NR3C1: variants seen among roughly 807,000 people sequenced by gnomAD.
NR3C1 encodes nuclear receptor subfamily 3 group C member 1.
NR3C1 carries 14 observed loss-of-function variants against 74.0 expected under a neutral mutation model. That is an observed-to-expected ratio of 0.19 (90% CI 0.12 to 0.30). The LOEUF (loss-of-function observed/expected upper bound fraction) is 0.30. NR3C1 is among the 10% of genes least tolerant of loss of function. The pLI is 1.00. For synonymous variants in NR3C1, 308 were observed against 332.5 expected, an observed-to-expected ratio of 0.93 and a Z score of 0.80; for missense variants, 695 against 909.8, an observed-to-expected ratio of 0.76 and a Z score of 3.04.
chr5:143,394,527 G>A (rs1838847159), intron 2 of NR3C1, among the ~76,000 whole-genome samples: 1 of 151,902 alleles, frequency 6.6e-6, no homozygotes, highest in Non-Finnish European at 1.5e-5. Context: ...TCAACATTAA[G>A]ACATTAGGTC....
In NR3C1 at chr5:143,280,570, A is replaced by C. The variant is rs1812936905; in HGVS notation, c.*1319T>G. ...TTAAAATAATTTTCAACAGTGAAGAAATTCACAGGACTTGTGTTAAACTCT... is the reference window on the plus strand; with the variant it reads ...TTAAAATAATTTTCAACAGTGAAGACATTCACAGGACTTGTGTTAAACTCT... On this transcript the variant is annotated 3_prime_UTR_variant, in exon 9 of 9. Coordinates refer to ENST00000394464, the MANE Select transcript of NR3C1 (RefSeq NM_000176.3). The C allele has an allele frequency of 6.6e-6, 1 of 152,634 alleles. No homozygotes were observed. Among genetic ancestry groups the C allele is most frequent in the South Asian group, 2.1e-4 (1 of 4,826 alleles). The allele number at this position is 152,634 out of a possible 1,614,324, so 9.5% of individuals were successfully genotyped here. A position where few individuals can be genotyped will look rare whatever the true frequency, so the allele number is the denominator to read the frequency against.
At chr5:143,364,225 C>G (rs1832789792) in intron 2 of NR3C1, among the ~76,000 whole-genome samples, 1 of 152,178 alleles carries the variant, frequency 6.6e-6, no homozygotes, top group Non-Finnish European at 1.5e-5. Flanking sequence ...GGTCAGAAGA[C>G]AGTACGATGA....
intron 1 of NR3C1, among the ~76,000 whole-genome samples, chr5:143,414,170 A>G (rs1170982953): frequency 6.6e-6 from 1 of 152,220 alleles, no homozygotes; most frequent in African/African-American, 2.4e-5. Flanking sequence ...CAGAAATAGT[A>G]TCTCCACTTA....
chr5:143,403,874 G>C (rs1453745217), upstream of NR3C1: 4 of 976,550 alleles, frequency 4.1e-6, no homozygotes, highest in Non-Finnish European at 4.9e-6. Flanking sequence ...CCCCGACGGC[G>C]CCTGCACGCC....
At chr5:143,428,362 G>C (rs370657134) in intron 1 of NR3C1, among the ~76,000 whole-genome samples, 1 of 152,212 alleles carries the variant, frequency 6.6e-6, no homozygotes, top group East Asian at 1.9e-4. Flanking sequence ...ATACTGATCT[G>C]CTGAGGACTG....
intron 7 of NR3C1, among the ~76,000 whole-genome samples, chr5:143,289,254 A>G (rs765838745): frequency 2.0e-5 from 3 of 152,182 alleles, no homozygotes; most frequent in Non-Finnish European, 4.4e-5. Flanking sequence ...TCATTGGGTA[A>G]GAAATACAGA....
intron 2 of NR3C1, among the ~76,000 whole-genome samples, chr5:143,371,730 T>C (rs1436397961): frequency 6.6e-6 from 1 of 152,230 alleles, no homozygotes. Flanking sequence ...TCTTTCAGAG[T>C]TATTGTTAAA....
At chr5:143,401,710 C>A (rs1840317106) in intron 1 of NR3C1, among the ~76,000 whole-genome samples, 1 of 152,184 alleles carries the variant, frequency 6.6e-6, no homozygotes, top group Non-Finnish European at 1.5e-5. Context: ...TTGAGATCCT[C>A]AATATGAAAT....
chr5:143,369,016 TTAG>T, intron 2 of NR3C1, among the ~76,000 whole-genome samples: 1 of 152,182 alleles, frequency 6.6e-6, no homozygotes, highest in South Asian at 2.1e-4. Context: ...TGATAACCCA[TTAG>T]TACATTAACT....
Position 143,281,871 on chromosome 5 carries a change from C to A in NR3C1, c.*18G>T, listed in dbSNP as rs67068607. The A allele has an allele frequency of 1.2e-6, 2 of 1,610,814 alleles. No homozygotes were observed. The highest frequency in any genetic ancestry group is 1.7e-6 in the Non-Finnish European group (2 of 1,177,468). Reference sequence around the variant, plus strand: ...ATTAATTCGACTTTCTTTAAGGCAACCATTCTTATTAAGGCAGTCACTTTT... The same window carrying A: ...ATTAATTCGACTTTCTTTAAGGCAAACATTCTTATTAAGGCAGTCACTTTT... On this transcript the variant is annotated 3_prime_UTR_variant, in exon 9 of 9. Transcript: ENST00000394464.
chr5:143,423,008 G>A (rs1226957110), intron 1 of NR3C1, among the ~76,000 whole-genome samples: 4 of 151,978 alleles, frequency 2.6e-5, no homozygotes, highest in African/African-American at 7.3e-5. Context: ...GCAGGCCTTC[G>A]ATTTAGGTTT....
chr5:143,295,628 C>T (rs1162004725), intron 6 of NR3C1, 38 bp from the exon 7 acceptor site: 2 of 1,551,496 alleles, frequency 1.3e-6, no homozygotes, highest in Admixed American at 1.7e-5. Flanking sequence ...GTTAGAAATA[C>T]TGCTACTTCC....
At chr5:143,365,388 T>A (rs2151834818) in intron 2 of NR3C1, among the ~76,000 whole-genome samples, 1 of 152,276 alleles carries the variant, frequency 6.6e-6, no homozygotes, top group East Asian at 1.9e-4. Context: ...GTGGCTATAC[T>A]AATATAGACA....
Position 143,295,686 on chromosome 5 carries a change from A to G in NR3C1, c.1893-96T>C, listed in dbSNP as rs1817019472. 4.2e-6 allele frequency: 4 copies of G among 950,770 alleles called. No individual in the cohort carries two copies. The Admixed American group carries it at 5.2e-5, about 12-fold the overall frequency. 58.9% of individuals were successfully genotyped at this position (950,770 alleles called of 1,614,324 possible). ...TTGTTTTGCAAAACTATGAACTCAT[A>G]AAGAAAAACAACTACTGCAATAATA... On this transcript the variant is annotated intron_variant, in intron 6 of 8. Coordinates refer to ENST00000394464, the MANE Select transcript of NR3C1 (RefSeq NM_000176.3).
At chr5:143,422,883 C>T (rs747888033) in intron 1 of NR3C1, among the ~76,000 whole-genome samples, 7 of 152,002 alleles carry the variant, frequency 4.6e-5, no homozygotes, top group Non-Finnish European at 7.4e-5. Flanking sequence ...TGACTTTTGT[C>T]TTTCTTGTTC....
intron 2 of NR3C1, among the ~76,000 whole-genome samples, chr5:143,345,516 TTAA>T (rs1386047474): frequency 6.6e-6 from 1 of 152,144 alleles, no homozygotes; most frequent in Non-Finnish European, 1.5e-5. Flanking sequence ...GGCCTACAAA[TTAA>T]TATAAAATGA....
At chr5:143,404,629 A>G, upstream of NR3C1, 1 of 535,782 alleles carries the variant, frequency 1.9e-6, no homozygotes, top group Non-Finnish European at 2.4e-6. Context: ...ACTCGAAGGA[A>G]GTTGCACGCC....
chr5:143,342,790 C>T (rs957272202), intron 2 of NR3C1, among the ~76,000 whole-genome samples: 1 of 152,028 alleles, frequency 6.6e-6, no homozygotes, highest in Non-Finnish European at 1.5e-5. Flanking sequence ...AGGAGACATA[C>T]AAGGAAAAGG....
intron 2 of NR3C1, among the ~76,000 whole-genome samples, chr5:143,372,119 C>G (rs930310603): frequency 2.0e-5 from 3 of 152,162 alleles, no homozygotes; most frequent in African/African-American, 7.2e-5. Context: ...AACCAGCACG[C>G]ATTTCTTTTT....
Sources: allele counts gnomAD v4.1 joint callset (sites outside exome capture counted in the v4.1 genomes callset), GRCh38; gene constraint gnomAD v4.1.1; transcripts MANE v1.5; gene names NCBI Gene and HGNC (gene_info 2026-07-23, HGNC 2026-07-21).